The following WDHD1 variants were observed in gnomAD, a reference collection of about 807,000 sequenced individuals.
The protein encoded by WDHD1 is WD repeat and HMG-box DNA-binding protein 1.
A neutral mutation model predicts 135.4 loss-of-function variants in WDHD1; 111 were observed. That is an observed-to-expected ratio of 0.82 (90% CI 0.70 to 0.96). The LOEUF (loss-of-function observed/expected upper bound fraction) is 0.96, where lower values mean the gene tolerates loss of function less well. WDHD1 is among the 40% of genes least tolerant of loss of function. The probability of loss-of-function intolerance (pLI) is 0.00; values close to 1 mark genes in which losing one functional copy is unlikely to be tolerated. For synonymous variants in WDHD1, 434 were observed against 439.0 expected (o/e 0.99, Z 0.14); for missense variants, 1,351 against 1,336.3 (o/e 1.01, Z -0.17).
At chr14:54,962,350 A>G (rs747194472) in intron 21 of WDHD1, 148 bp downstream of exon 21, 27 of 686,804 alleles carry the variant, frequency 3.9e-5, no homozygotes, top group Non-Finnish European at 3.1e-5. Flanking sequence ...TAGCTTCACA[A>G]ACAACATCTG....
At chr14:55,016,911 C>T (rs1383281368) in intron 2 of WDHD1, among the ~76,000 whole-genome samples, 1 of 152,026 alleles carries the variant, frequency 6.6e-6, no homozygotes, top group Non-Finnish European at 1.5e-5. Flanking sequence ...AGATCAGGTG[C>T]GTTCAGGGTG....
Position 54,967,474 on chromosome 14 carries a change from T to G in WDHD1, c.2064-80A>C. ...ACAAAATTTAAAAAGTTTTCAAAAG[T>G]TAGTAACTTAGAATAGTAATATTAT... is the stretch of plus-strand genomic sequence containing the variant. On this transcript the variant is annotated intron_variant, in intron 16 of 25. Transcript: ENST00000360586. 5.6e-6 allele frequency: 5 copies of G among 897,860 alleles called. No individual in the cohort carries two copies. In the South Asian group the frequency reaches 8.3e-5, roughly 15 times the overall value. 55.6% of individuals were successfully genotyped at this position (897,860 alleles called of 1,614,324 possible).
At chr14:55,015,765 C>T (rs553242027) in intron 2 of WDHD1, among the ~76,000 whole-genome samples, 1 of 150,792 alleles carries the variant, frequency 6.6e-6, no homozygotes, top group African/African-American at 2.4e-5. Flanking sequence ...GTGGTGCTAT[C>T]ACAGCTCACT....
chr14:54,956,232 C>T (rs532945064), intron 23 of WDHD1, among the ~76,000 whole-genome samples: 4 of 152,116 alleles, frequency 2.6e-5, no homozygotes, highest in East Asian at 1.9e-4. Context: ...CTATTAAATA[C>T]GAATATACAT....
chr14:54,969,108 G>A (rs1293687543), intron 16 of WDHD1, among the ~76,000 whole-genome samples: 2 of 151,828 alleles, frequency 1.3e-5, no homozygotes, highest in African/African-American at 2.4e-5. Context: ...GCACGATCTC[G>A]GCTCACTGCA....
chr14:54,977,518 C>T (rs192036911), intron 16 of WDHD1, among the ~76,000 whole-genome samples: 4 of 152,160 alleles, frequency 2.6e-5, no homozygotes, highest in Admixed American at 6.5e-5. Context: ...GGGAACATAG[C>T]GAGACTGTGT....
chr14:54,955,734 T>C (rs541645664), intron 23 of WDHD1, 40 bp from the exon 24 acceptor site: 2 of 1,409,368 alleles, frequency 1.4e-6, no homozygotes, highest in African/African-American at 1.5e-5. Flanking sequence ...ACATCTAGTA[T>C]AATTTTATAT....
chr14:54,989,608 C>CT (rs2041751544), intron 12 of WDHD1, among the ~76,000 whole-genome samples: 1 of 151,810 alleles, frequency 6.6e-6, no homozygotes, highest in East Asian at 1.9e-4. Flanking sequence ...TAACAACAGA[C>CT]TTTTTTCCTA....
intron 18 of WDHD1, 145 bp downstream of exon 18, chr14:54,966,330 G>A (rs993010305): frequency 3.2e-5 from 32 of 1,014,772 alleles, no homozygotes; most frequent in African/African-American, 2.8e-4. Flanking sequence ...ACGAGACTCC[G>A]TCGCACAAAA....
Position 54,944,480 on chromosome 14 carries a change from C to T in WDHD1, c.3051-10G>A. 6.4e-7 allele frequency: 1 copy of T among 1,572,260 alleles called. No individual in the cohort carries two copies. Among genetic ancestry groups the T allele is most frequent in the Non-Finnish European group, 8.6e-7 (1 of 1,167,864 alleles). On this transcript the variant is annotated splice_polypyrimidine_tract_variant and intron_variant, in intron 24 of 25. Transcript: ENST00000360586. ...GAACCCGGTCTTTGGCCTAAAATCA[C>T]AATTATGTGAAAACATTTTATACTT...
chr14:54,995,813 C>A lies in WDHD1; in HGVS notation c.943G>T (p.Val315Leu), dbSNP rs2041869367. Residue 315 changes from valine to leucine, a missense_variant and splice_region_variant, in exon 11 of 26, where the codon GTA becomes TTA. Physicochemically the swap from Val to Leu is conservative, Grantham distance 32. This residue lies in a region of WDHD1 where 1,330 missense variants were observed against 1,296.1 expected (regional missense o/e 1.03). Transcript: ENST00000360586. ...DPSGKTSSSK[V>L]SSRVEKDYND... Reference sequence around the variant, plus strand: ...TAATCCTTTTCCACTCTGCTAGATACCTTGAACAAATTAATACAAATTATA... The same window carrying A: ...TAATCCTTTTCCACTCTGCTAGATAACTTGAACAAATTAATACAAATTATA... 11 of 1,545,384 alleles carry A rather than the reference C, an allele frequency of 7.1e-6. No homozygotes were observed. The highest frequency in any genetic ancestry group is 1.3e-5 in the South Asian group (1 of 79,380).
chr14:54,963,191 G>A lies in WDHD1; in HGVS notation c.2311-19C>T, dbSNP rs200591755. 3 of 863,036 alleles carry A rather than the reference G, an allele frequency of 3.5e-6. 1 individual carries two copies. The highest frequency in any genetic ancestry group is 4.2e-5 in the Admixed American group (2 of 47,998). 53.5% of individuals were successfully genotyped at this position (863,036 alleles called of 1,614,324 possible). A position where few individuals can be genotyped will look rare whatever the true frequency, so the allele number is the denominator to read the frequency against. On this transcript the variant is annotated intron_variant, in intron 18 of 25. Transcript: ENST00000360586. ...AAGAAAGCTAATCCAAAAAGGGGGG[G>A]GGGGGGGAGATCAAATAACATCAAG...
At chr14:54,994,889 T>C (rs576459653) in intron 11 of WDHD1, among the ~76,000 whole-genome samples, 13 of 152,316 alleles carry the variant, frequency 8.5e-5, no homozygotes, top group Admixed American at 4.6e-4. Context: ...TACAGATCTA[T>C]AGTGATGGCC....
Position 54,972,585 on chromosome 14 carries a change from AAAAAAT to A in WDHD1, c.2064-5197_2064-5192del, listed in dbSNP as rs1240046303. Among the ~76,000 whole-genome samples, 16 of 74,150 alleles carry A rather than the reference AAAAAAT, an allele frequency of 2.2e-4. 3 individuals are homozygous for A. Among genetic ancestry groups the A allele is most frequent in the African/African-American group, 1.1e-3 (11 of 9,614 alleles). 48.6% of individuals were successfully genotyped at this position (74,150 alleles called of 152,430 possible). ...AAAAAAAAAAAAAAAAAAAAAAAAAAAAAAATGCCAATGAGGCATATTCACTTTCAT... is the reference window on the plus strand; with the variant it reads ...AAAAAAAAAAAAAAAAAAAAAAAAAAGCCAATGAGGCATATTCACTTTCAT... On this transcript the variant is annotated intron_variant, in intron 16 of 25. Coordinates refer to ENST00000360586, the MANE Select transcript of WDHD1 (RefSeq NM_007086.4).
rs1157235045 is a variant in WDHD1, at chr14:55,026,758, A to G, written c.30T>C (p.Tyr10=). ...CCTCCGTGTGTCCCTCTGTATGCCC[A>G]TATCTCATTGGCTTCCGTGTGGCAG... MPATRKPMR[Y]GHTEGHTEVC... is the part of the protein sequence containing the mutation. Residue 10 remains tyrosine, a synonymous_variant, in exon 2 of 26, where the codon TAT becomes TAC. Coordinates refer to ENST00000360586, the MANE Select transcript of WDHD1 (RefSeq NM_007086.4). The G allele has an allele frequency of 8.1e-6, 13 of 1,614,202 alleles. No homozygotes were observed. Among genetic ancestry groups the G allele is most frequent in the Non-Finnish European group, 9.3e-6 (11 of 1,180,034 alleles).
chr14:54,957,682 G>GTCAGA, intron 21 of WDHD1, 47 bp from the exon 22 acceptor site: 1 of 1,477,012 alleles, frequency 6.8e-7, no homozygotes, highest in Non-Finnish European at 9.3e-7. Flanking sequence ...GAAAATAGAT[G>GTCAGA]ACTTCTGACA....
intron 10 of WDHD1, 125 bp from the exon 11 acceptor site, chr14:54,995,938 A>G: frequency 1.6e-6 from 1 of 638,688 alleles, no homozygotes; most frequent in Non-Finnish European, 2.6e-6. Flanking sequence ...CTGAACAGAT[A>G]AGAATAATTA....
At chr14:54,978,637 A>G (rs2140186449) in intron 16 of WDHD1, among the ~76,000 whole-genome samples, 1 of 152,312 alleles carries the variant, frequency 6.6e-6, no homozygotes, top group Admixed American at 6.5e-5. Flanking sequence ...AAATATGTCA[A>G]TATTTAGAAT....
intron 7 of WDHD1, 49 bp downstream of exon 7, chr14:55,007,231 T>TAAAAAAAAAAAAAAAAAAAAAAA: frequency 3.8e-6 from 4 of 1,053,078 alleles, no homozygotes; most frequent in Non-Finnish European, 3.8e-6. Flanking sequence ...CCATCTCTAA[T>TAAAAAAAAAAAAAAAAAAAAAAA]AAAAAAAAAA....
Sources: gnomAD v4.1 joint callset for allele counts (sites outside exome capture counted in the v4.1 genomes callset) on GRCh38, gnomAD v4.1.1 for gene constraint, gnomAD v4.1.1 regional missense constraint, MANE v1.5 for transcripts, NCBI Gene and HGNC (gene_info 2026-07-23, HGNC 2026-07-21) for gene names.